The following FRMD4B variants were observed in gnomAD, a reference collection of about 807,000 sequenced individuals.
The protein encoded by FRMD4B is FERM domain containing 4B, also known as FERM domain-containing protein 4B.
In FRMD4B, 74 loss-of-function variants were observed where a neutral mutation model predicts 141.5. The observed-to-expected ratio is 0.52, with a 90% CI of 0.43 to 0.63. The LOEUF is 0.63. Among genes scored for constraint, FRMD4B ranks in the 30% least tolerant of loss-of-function variants. The probability of loss-of-function intolerance (pLI) is 0.00; values close to 1 mark genes in which losing one functional copy is unlikely to be tolerated. For synonymous variants in FRMD4B, 506 were observed against 467.9 expected, an observed-to-expected ratio of 1.08 and a Z score of -1.05; for missense variants, 1,366 against 1,253.4, an observed-to-expected ratio of 1.09 and a Z score of -1.36.
intron 1 of FRMD4B, among the ~76,000 whole-genome samples, chr3:69,501,075 TA>T (rs1221004747): frequency 1.3e-5 from 2 of 152,194 alleles, no homozygotes; most frequent in African/African-American, 4.8e-5. Flanking sequence ...TAAAAAAATT[TA>T]AAAATCAGGC....
At chr3:69,336,769 C>A (rs1389729945) in intron 1 of FRMD4B, among the ~76,000 whole-genome samples, 1 of 151,918 alleles carries the variant, frequency 6.6e-6, no homozygotes, top group Non-Finnish European at 1.5e-5. Context: ...GGAGAGAAAC[C>A]CTATCTCTAC....
Position 69,219,609 on chromosome 3 carries a change from CT to C in FRMD4B, c.732-1231del, listed in dbSNP as rs74266944. Among the ~76,000 whole-genome samples, 567 of 145,598 alleles carry C rather than the reference CT, an allele frequency of 3.9e-3. 6 individuals carry two copies. Among genetic ancestry groups the C allele is most frequent in the East Asian group, 0.025 (123 of 5,000 alleles). ...AAGACTCTGCATTTAAGCATGGGTA[CT>C]TTTTTTTTTTTAATTGTTTTTTAGT... On this transcript the variant is annotated intron_variant, in intron 9 of 22. Transcript: ENST00000398540.
intron 1 of FRMD4B, among the ~76,000 whole-genome samples, chr3:69,451,788 A>T (rs931090338): frequency 6.6e-6 from 1 of 152,168 alleles, no homozygotes; most frequent in Admixed American, 6.5e-5. Context: ...TTAAAAAAAC[A>T]CCAGTCCCAG....
chr3:69,397,734 G>T (rs954315199), intron 2 of FRMD4B, among the ~76,000 whole-genome samples: 7 of 152,028 alleles, frequency 4.6e-5, no homozygotes, highest in African/African-American at 1.5e-4. Flanking sequence ...AATGGGGAAT[G>T]ACTGCTAATT....
At chr3:69,190,282 G>A (rs1007201307) in intron 17 of FRMD4B, among the ~76,000 whole-genome samples, 1 of 151,960 alleles carries the variant, frequency 6.6e-6, no homozygotes, top group Non-Finnish European at 1.5e-5. Flanking sequence ...CAACAAACTG[G>A]AAAGAAAAAA....
chr3:69,186,303 T>C (rs58068554), intron 19 of FRMD4B, among the ~76,000 whole-genome samples: 7,283 of 140,554 alleles, frequency 0.052, 509 homozygotes, highest in East Asian at 0.28. Flanking sequence ...TGGGGTGGAG[T>C]GACATGATCA....
intron 21 of FRMD4B, among the ~76,000 whole-genome samples, chr3:69,178,312 A>C (rs1200065458): frequency 6.7e-6 from 1 of 149,922 alleles, no homozygotes; most frequent in Non-Finnish European, 1.5e-5. Context: ...TAACAGATGT[A>C]ACACTCTGAG....
intron 1 of FRMD4B, among the ~76,000 whole-genome samples, chr3:69,314,901 C>A (rs974846425): frequency 6.6e-6 from 1 of 151,990 alleles, no homozygotes; most frequent in Admixed American, 6.6e-5. Context: ...TGGTGGCATG[C>A]ACCTATAGTC....
In FRMD4B at chr3:69,215,282, C is replaced by CTTTTTTTTTTTTT. The variant is rs1559724064; in HGVS notation, c.876+980_876+981insAAAAAAAAAAAAA. Among the ~76,000 whole-genome samples, 49 of 37,486 alleles carry CTTTTTTTTTTTTT rather than the reference C, an allele frequency of 1.3e-3. 2 individuals are homozygous for CTTTTTTTTTTTTT. In the East Asian group the frequency reaches 0.017, roughly 13 times the overall value. The allele number at this position is 37,486 out of a possible 152,430, so 24.6% of individuals were successfully genotyped here. A position where few individuals can be genotyped will look rare whatever the true frequency, so the allele number is the denominator to read the frequency against. ...AATCCAAATCTGATAGATTGTGACC[C>CTTTTTTTTTTTTT]TCTTTTTTTTTTTTTTTTTTTTTTT... On this transcript the variant is annotated intron_variant, in intron 11 of 22. Coordinates refer to ENST00000398540, the MANE Select transcript of FRMD4B (RefSeq NM_015123.3).
At chr3:69,454,120 C>T (rs906950945) in intron 1 of FRMD4B, among the ~76,000 whole-genome samples, 7 of 152,130 alleles carry the variant, frequency 4.6e-5, no homozygotes, top group African/African-American at 9.7e-5. Flanking sequence ...GTATCCCCAG[C>T]GATAACAGTA....
Position 69,182,671 on chromosome 3 carries a change from G to T in FRMD4B, c.1966C>A (p.Arg656=), listed in dbSNP as rs377577151. Residue 656 remains arginine, a synonymous_variant, in exon 20 of 23, where the codon CGG becomes AGG. Transcript: ENST00000398540. The stretch of plus-strand genomic sequence containing the variant: ...GGCATGCTTCGTCCTCCCTGGGGCC[G>T]CCTCTCCAGAGTTTTGTAAGGGCTG... ...HSSPYKTLER[R]PQGGRSMPTT... 6.2e-7 allele frequency: 1 copy of T among 1,613,166 alleles called. No individual in the cohort carries two copies. Among genetic ancestry groups the T allele is most frequent in the South Asian group, 1.1e-5 (1 of 91,046 alleles).
intron 17 of FRMD4B, 140 bp from the exon 18 acceptor site, chr3:69,190,092 C>T: frequency 1.7e-6 from 1 of 582,156 alleles, no homozygotes; most frequent in African/African-American, 1.9e-5. Context: ...AATTAACTAC[C>T]ATAGTAAGAA....
At chr3:69,372,944 G>A (rs1305230398) in intron 1 of FRMD4B, among the ~76,000 whole-genome samples, 1 of 152,192 alleles carries the variant, frequency 6.6e-6, no homozygotes, top group African/African-American at 2.4e-5. Context: ...GGGTAGCAAA[G>A]CTGGGATTTG....
chr3:69,484,156 T>C lies in FRMD4B; in HGVS notation c.-128-51395A>G, dbSNP rs186070274. Among the ~76,000 whole-genome samples, 20 of 152,330 alleles carry C rather than the reference T, an allele frequency of 1.3e-4. 1 individual carries two copies. The highest frequency in any genetic ancestry group is 1.3e-3 in the Admixed American group (20 of 15,300). ...AGCAAGGGATGGGAGGTTAAAATAATCTTAGTGCATTTATTTAGTAGATTA... is the reference window on the plus strand; with the variant it reads ...AGCAAGGGATGGGAGGTTAAAATAACCTTAGTGCATTTATTTAGTAGATTA... On this transcript the variant is annotated intron_variant, in intron 1 of 5. Coordinates refer to the FRMD4B transcript ENST00000459638.
intron 5 of FRMD4B, among the ~76,000 whole-genome samples, chr3:69,260,868 C>G (rs1190144494): frequency 1.1e-4 from 16 of 152,220 alleles, no homozygotes; most frequent in Non-Finnish European, 2.4e-4. Context: ...ACTTTTATAT[C>G]TAGCTAGAGG....
At chr3:69,319,148 A>T (rs1313258121) in intron 1 of FRMD4B, among the ~76,000 whole-genome samples, 1 of 152,252 alleles carries the variant, frequency 6.6e-6, no homozygotes, top group Non-Finnish European at 1.5e-5. Flanking sequence ...CCACCAGGAA[A>T]TTAAGGCCTG....
chr3:69,256,510 G>A (rs1364529505), intron 5 of FRMD4B, among the ~76,000 whole-genome samples: 2 of 152,112 alleles, frequency 1.3e-5, no homozygotes, highest in Non-Finnish European at 2.9e-5. Flanking sequence ...AGTAGAGATG[G>A]GGTTTCACCA....
At chr3:69,306,453 C>CA (rs1305680877) in intron 3 of FRMD4B, 8 of 152,174 alleles carry the variant, frequency 5.3e-5, no homozygotes, top group Non-Finnish European at 1.2e-4. Context: ...CAAAGCCTTT[C>CA]AAAACATGAG....
At chr3:69,255,444 T>C (rs1178048242) in intron 5 of FRMD4B, among the ~76,000 whole-genome samples, 1 of 151,964 alleles carries the variant, frequency 6.6e-6, no homozygotes, top group African/African-American at 2.4e-5. Flanking sequence ...ACTCAGGAGG[T>C]GGAGTGGGGA....
Sources: allele counts gnomAD v4.1 joint callset (sites outside exome capture counted in the v4.1 genomes callset), GRCh38; gene constraint gnomAD v4.1.1; transcripts MANE v1.5; gene names NCBI Gene and HGNC (gene_info 2026-07-23, HGNC 2026-07-21).